Variants in CEP112 observed in about 807,000 individuals in gnomAD.
CEP112 encodes the protein centrosomal protein 112, also known as centrosomal protein of 112 kDa.
Under a neutral mutation model 153.0 loss-of-function variants are expected in CEP112, and 127 were observed. The ratio of observed to expected loss-of-function variants is 0.83; its 90% confidence interval spans 0.72 to 0.96. The LOEUF is 0.96. CEP112 is among the 40% of genes least tolerant of loss of function. CEP112 has a pLI of 0.00. For missense variants in CEP112, 1,089 were observed against 1,101.2 expected (o/e 0.99, Z 0.16); for synonymous variants, 358 against 374.4 (o/e 0.96, Z 0.51).
At chr17:65,970,614 A>G (rs926319876) in intron 17 of CEP112, among the ~76,000 whole-genome samples, 1 of 152,066 alleles carries the variant, frequency 6.6e-6, no homozygotes, top group African/African-American at 2.4e-5. Context: ...TATTGCAGGC[A>G]TATGGAATGG....
intron 21 of CEP112, among the ~76,000 whole-genome samples, chr17:65,807,382 C>T (rs1467589740): frequency 6.6e-6 from 1 of 152,064 alleles, no homozygotes; most frequent in African/African-American, 2.4e-5. Flanking sequence ...GCAGCCTGAC[C>T]ATGTGGTAGA....
At chr17:65,801,912 G>A (rs1385231207) in intron 21 of CEP112, among the ~76,000 whole-genome samples, 1 of 151,942 alleles carries the variant, frequency 6.6e-6, no homozygotes, top group Admixed American at 6.6e-5. Flanking sequence ...TTGTTTCTTT[G>A]CATGTCTCAT....
chr17:66,066,271 T>C (rs2067114652), intron 10 of CEP112, among the ~76,000 whole-genome samples: 1 of 152,146 alleles, frequency 6.6e-6, no homozygotes, highest in South Asian at 2.1e-4. Context: ...TCCTTCTTAA[T>C]TAAAGTGCAA....
At chr17:66,125,799 G>A (rs558482203) in intron 6 of CEP112, among the ~76,000 whole-genome samples, 1 of 152,140 alleles carries the variant, frequency 6.6e-6, no homozygotes, top group South Asian at 2.1e-4. Flanking sequence ...AATAAGAAAA[G>A]AGACTACAAA....
intron 21 of CEP112, among the ~76,000 whole-genome samples, chr17:65,821,642 C>G (rs2056592149): frequency 1.4e-5 from 2 of 144,956 alleles, no homozygotes; most frequent in African/African-American, 5.1e-5. Flanking sequence ...ACCTCTGCTT[C>G]CCAGGTTCAA....
At position 66,066,724 on chromosome 17, in the gene CEP112, A is replaced by G. The variant is rs2067133864; in HGVS notation, c.955+54T>C. The G allele has an allele frequency of 2.5e-6, 3 of 1,211,558 alleles. No individual in the cohort carries two copies. In the East Asian group the frequency reaches 8.0e-5, roughly 32 times the overall value. The allele number at this position is 1,211,558 out of a possible 1,614,324, so 75.1% of individuals were successfully genotyped here. A position where few individuals can be genotyped will look rare whatever the true frequency, so the allele number is the denominator to read the frequency against. On this transcript the variant is annotated intron_variant, in intron 10 of 26. Transcript: ENST00000535342. ...GAAATCAAATTTTTTTCTCCACATCACTAAAATAAAATGGAAATGTTATTA... is the reference window on the plus strand; with the variant it reads ...GAAATCAAATTTTTTTCTCCACATCGCTAAAATAAAATGGAAATGTTATTA...
chr17:66,048,402 A>G (rs1297793210), intron 12 of CEP112, among the ~76,000 whole-genome samples: 2 of 152,216 alleles, frequency 1.3e-5, no homozygotes. Flanking sequence ...GAATTACTCT[A>G]AAGTAAAGCT....
At chr17:65,910,046 A>T (rs1469438864) in intron 19 of CEP112, among the ~76,000 whole-genome samples, 1 of 152,172 alleles carries the variant, frequency 6.6e-6, no homozygotes, top group East Asian at 1.9e-4. Flanking sequence ...TCTCTCTGAT[A>T]GAATATAGGA....
intron 21 of CEP112, among the ~76,000 whole-genome samples, chr17:65,836,931 T>C (rs1423581695): frequency 6.6e-6 from 1 of 151,740 alleles, no homozygotes; most frequent in African/African-American, 2.4e-5. Flanking sequence ...GCCTGCCCAG[T>C]GCCTGGGATT....
chr17:65,945,137 CTGTT>C (rs151227759), intron 18 of CEP112, among the ~76,000 whole-genome samples: 9,824 of 152,152 alleles, frequency 0.065, 463 homozygotes, highest in African/African-American at 0.12. Context: ...ATAATAAAAA[CTGTT>C]TGTGATCTTT....
chr17:66,074,405 G>C (rs1448311249), intron 8 of CEP112, among the ~76,000 whole-genome samples: 1 of 152,024 alleles, frequency 6.6e-6, no homozygotes, highest in Non-Finnish European at 1.5e-5. Flanking sequence ...AAGCAAATAA[G>C]AATAGGGAAA....
chr17:66,144,356 C>T (rs531529880), intron 4 of CEP112, among the ~76,000 whole-genome samples: 1 of 152,038 alleles, frequency 6.6e-6, no homozygotes. Context: ...TTGGCCTGGC[C>T]AAGAATATTT....
At chr17:65,843,659 C>G (rs923235586) in intron 21 of CEP112, among the ~76,000 whole-genome samples, 2 of 152,122 alleles carry the variant, frequency 1.3e-5, no homozygotes, top group South Asian at 2.1e-4. Context: ...TTGCTCAAAG[C>G]CTTTTCATGA....
At chr17:65,700,793 T>C (rs2048592319) in intron 23 of CEP112, among the ~76,000 whole-genome samples, 2 of 152,094 alleles carry the variant, frequency 1.3e-5, no homozygotes, top group South Asian at 2.1e-4. Context: ...CTGGGGACAG[T>C]TAACAGAGTC....
chr17:65,793,464 A>G (rs1209053284), intron 21 of CEP112, among the ~76,000 whole-genome samples: 1 of 152,100 alleles, frequency 6.6e-6, no homozygotes, highest in Non-Finnish European at 1.5e-5. Context: ...TAACAAACCT[A>G]CACATCCTGC....
intron 4 of CEP112, among the ~76,000 whole-genome samples, chr17:66,170,964 G>C (rs2146836517): frequency 6.6e-6 from 1 of 152,266 alleles, no homozygotes; most frequent in South Asian, 2.1e-4. Context: ...TGTTGAAGCT[G>C]TTTGGTGTGA....
At chr17:65,695,711 A>G (rs1379363760) in intron 23 of CEP112, among the ~76,000 whole-genome samples, 1 of 152,210 alleles carries the variant, frequency 6.6e-6, no homozygotes, top group Admixed American at 6.5e-5. Context: ...TTCCCAGAAT[A>G]CAAGGTATAT....
chr17:65,803,041 A>G (rs1458471039), intron 21 of CEP112, among the ~76,000 whole-genome samples: 1 of 152,258 alleles, frequency 6.6e-6, no homozygotes, highest in East Asian at 1.9e-4. Context: ...GTCCCAGGAC[A>G]TGAGCCATGG....
intron 16 of CEP112, among the ~76,000 whole-genome samples, chr17:66,013,095 TG>T (rs978282149): frequency 6.7e-6 from 1 of 148,744 alleles, no homozygotes; most frequent in African/African-American, 2.4e-5. Context: ...TTCGTTAAAA[TG>T]GCATTTTCAT....
Sources: allele counts gnomAD v4.1 joint callset (sites outside exome capture counted in the v4.1 genomes callset), GRCh38; gene constraint gnomAD v4.1.1; transcripts MANE v1.5; gene names NCBI Gene and HGNC (gene_info 2026-07-23, HGNC 2026-07-21).